RPL3: variants seen among roughly 807,000 people sequenced by gnomAD.
The protein encoded by RPL3 is ribosomal protein L3.
A neutral mutation model predicts 46.0 loss-of-function variants in RPL3; 3 were observed. The observed-to-expected ratio is 0.07, with a 90% confidence interval of 0.03 to 0.17. The LOEUF (loss-of-function observed/expected upper bound fraction) is 0.17. RPL3 is among the 10% of genes least tolerant of loss of function. The pLI is 1.00. For missense variants in RPL3, 387 were observed against 532.7 expected, an observed-to-expected ratio of 0.73 and a Z score of 2.69; for synonymous variants, 224 against 190.8, an observed-to-expected ratio of 1.17 and a Z score of -1.43.
intron 5 of RPL3, chr22:39,315,159 T>C (rs773336799): frequency 1.2e-6 from 1 of 835,854 alleles, no homozygotes; most frequent in Non-Finnish European, 2.1e-6. Context: ...TCCAGGAACG[T>C]GTTAAGAAGT....
In RPL3 at chr22:39,317,167, C is replaced by T. The variant is rs1922755155; in HGVS notation, c.365+294G>A. 3.8e-5 allele frequency: 22 copies of T among 573,250 alleles called. No homozygotes were observed. The South Asian group carries it at 4.7e-4, about 12-fold the overall frequency. The allele number at this position is 573,250 out of a possible 1,614,324, so 35.5% of individuals were successfully genotyped here. A position where few individuals can be genotyped will look rare whatever the true frequency, so the allele number is the denominator to read the frequency against. The stretch of plus-strand genomic sequence containing the variant: ...CCCAGGGCCAGAGGCCCTTGCCACC[C>T]CTATAGGGGTTTAATTATTCTGCTA... On this transcript the variant is annotated intron_variant, in intron 3 of 9. Transcript: ENST00000216146.
At chr22:39,319,020 A>AT in intron 1 of RPL3, 1 of 538,496 alleles carries the variant, frequency 1.9e-6, no homozygotes, top group Non-Finnish European at 3.8e-6. Flanking sequence ...AATTACACTG[A>AT]TACACACAGG....
At chr22:39,316,200 T>C (rs1006867427) in intron 4 of RPL3, among the ~76,000 whole-genome samples, 1 of 151,222 alleles carries the variant, frequency 6.6e-6, no homozygotes, top group Non-Finnish European at 1.5e-5. Context: ...GATAGGGCTA[T>C]TGCACTCTAG....
Position 39,318,415 on chromosome 22 carries a change from C to A in RPL3, c.181G>T (p.Asp61Tyr), listed in dbSNP as rs761853326. ...AGMTHIVREV[D>Y]RPGSKVNKKE... ...CTGTACATACTGGATCCCGGCCTGT[C>A]GACTTCCCGCACGATGTGAGTCATG... is the stretch of plus-strand genomic sequence containing the variant. Residue 61 changes from aspartate (D) to tyrosine (Y), a missense_variant, in exon 2 of 10, where the codon GAC becomes TAC. Asp to Tyr is a radical substitution (Grantham distance 160, BLOSUM62 -3). Around this residue, in one of 5 missense-constraint regions of RPL3, gnomAD observed 196 missense variants for 217.5 expected, o/e 0.90. Transcript: ENST00000216146. 1 of 1,613,890 alleles carries A rather than the reference C, an allele frequency of 6.2e-7. No individual in the cohort carries two copies. Among genetic ancestry groups the A allele is most frequent in the Non-Finnish European group, 8.5e-7 (1 of 1,179,910 alleles).
In RPL3 at chr22:39,318,529, T is replaced by C; in HGVS notation, c.67A>G (p.Ser23Gly). ...CTCTTCACCTTCCCACGATGCCTGC[T>C]GCTGCGCTTCCGAGGCAGGAAGCCG... ...SLGFLPRKRS[S>G]RHRGKVKSFP... Residue 23 changes from serine (S) to glycine (G), a missense_variant, in exon 2 of 10, where the codon AGC (serine) becomes GGC (glycine). Physicochemically the swap from Ser to Gly is moderately conservative, Grantham distance 56. Coordinates refer to ENST00000216146, the MANE Select transcript of RPL3 (RefSeq NM_000967.4). The C allele has an allele frequency of 1.9e-6, 3 of 1,613,862 alleles. No individual in the cohort carries two copies. The highest frequency in any genetic ancestry group is 2.5e-6 in the Non-Finnish European group (3 of 1,179,852).
chr22:39,315,231 G>C, intron 5 of RPL3, 138 bp downstream of exon 5: 1 of 1,211,132 alleles, frequency 8.3e-7, no homozygotes. Flanking sequence ...CAGAAGGAAG[G>C]CAGTAGAGAA....
In RPL3 at chr22:39,317,971, A is replaced by G. The variant is rs182351055; in HGVS notation, c.197-342T>C. On this transcript the variant is annotated intron_variant, in intron 2 of 9. Transcript: ENST00000216146. ...GATTAGTCAGTATCAACTGCCTAAC[A>G]TTAATGTCTCCATGGCTCAGCAACC... 744 of 358,926 alleles carry G rather than the reference A, an allele frequency of 2.1e-3. 2 individuals are homozygous for G. The highest frequency in any genetic ancestry group is 3.3e-3 in the Non-Finnish European group (645 of 193,946). 22.2% of individuals were successfully genotyped at this position (358,926 alleles called of 1,614,324 possible).
chr22:39,314,284 A>G, intron 6 of RPL3, 76 bp from the exon 7 acceptor site: 13 of 1,259,552 alleles, frequency 1.0e-5, no homozygotes, highest in Non-Finnish European at 1.5e-5. Context: ...CTGACCTGCA[A>G]AGCACGCTAG....
At chr22:39,315,130 G>A (rs1601628236) in intron 5 of RPL3, 1 of 793,042 alleles carries the variant, frequency 1.3e-6, no homozygotes, top group Non-Finnish European at 2.2e-6. Context: ...GTTATCAGTA[G>A]GCTACAAAGA....
chr22:39,314,983 C>T, intron 5 of RPL3, 137 bp from the exon 6 acceptor site: 2 of 1,255,470 alleles, frequency 1.6e-6, no homozygotes, highest in South Asian at 2.8e-5. Flanking sequence ...ACCCACAGGT[C>T]TCCCCTGTCA....
chr22:39,315,107 G>A, intron 5 of RPL3: 1 of 742,834 alleles, frequency 1.3e-6, no homozygotes, highest in East Asian at 2.5e-5. Context: ...ATAATTCCAA[G>A]CTCCCCTTTG....
At chr22:39,314,924 A>G in intron 5 of RPL3, 78 bp from the exon 6 acceptor site, 3 of 1,552,606 alleles carry the variant, frequency 1.9e-6, no homozygotes, top group Non-Finnish European at 2.6e-6. Context: ...GCAATTACCA[A>G]CCATGGCTGG....
intron 1 of RPL3, chr22:39,318,929 TAAAG>T: frequency 2.0e-6 from 1 of 497,016 alleles, no homozygotes; most frequent in Non-Finnish European, 4.1e-6. Flanking sequence ...TTTTGACCGC[TAAAG>T]AAAGGGACTC....
intron 2 of RPL3, 176 bp from the exon 3 acceptor site, chr22:39,317,805 T>C (rs778712450): frequency 3.0e-4 from 191 of 640,174 alleles, no homozygotes; most frequent in Non-Finnish European, 4.8e-4. Context: ...ACATTTATGT[T>C]ATTCAAACAA....
intron 1 of RPL3, 30 bp downstream of exon 1, chr22:39,319,565 C>T: frequency 6.4e-7 from 1 of 1,562,960 alleles, no homozygotes. Context: ...ACGCCGGTGA[C>T]AATGAAACGG....
chr22:39,313,759 C>A, intron 7 of RPL3, 30 bp from the exon 8 acceptor site: 1 of 1,604,194 alleles, frequency 6.2e-7, no homozygotes, highest in Non-Finnish European at 8.5e-7. Context: ...TCAGCACAGG[C>A]CCAGGAGGGG....
chr22:39,313,909 A>G (rs1241402871), intron 7 of RPL3, 180 bp from the exon 8 acceptor site: 1 of 840,244 alleles, frequency 1.2e-6, no homozygotes, highest in Non-Finnish European at 2.1e-6. Flanking sequence ...ATCACTGAAC[A>G]GCTGAGCCTG....
rs749555789 is a variant in RPL3, at chr22:39,312,989, G to T, written c.1168-5C>A. On this transcript the variant is annotated splice_region_variant and splice_polypyrimidine_tract_variant and intron_variant, in intron 9 of 9. Transcript: ENST00000216146. ...TCGGTCTTTCTTCAGTGGTCCCTGTGGGGAGAGAGGCAGTGGTCAGAGGTA... is the reference window on the plus strand; with the variant it reads ...TCGGTCTTTCTTCAGTGGTCCCTGTTGGGAGAGAGGCAGTGGTCAGAGGTA... 1.3e-5 allele frequency: 21 copies of T among 1,614,106 alleles called. No individual in the cohort carries two copies. The highest frequency in any genetic ancestry group is 1.8e-5 in the Non-Finnish European group (21 of 1,179,960).
intron 1 of RPL3, chr22:39,319,112 T>C (rs772321421): frequency 3.7e-6 from 2 of 539,184 alleles, no homozygotes; most frequent in Non-Finnish European, 3.8e-6. Flanking sequence ...TCATCATCTG[T>C]GGTTTCTGCG....
Sources: allele counts gnomAD v4.1 joint callset (sites outside exome capture counted in the v4.1 genomes callset), GRCh38; gene constraint gnomAD v4.1.1; regional missense constraint gnomAD v4.1.1; transcripts MANE v1.5; gene names NCBI Gene and HGNC (gene_info 2026-07-23, HGNC 2026-07-21).